GABRA3: variants seen among roughly 807,000 people sequenced by gnomAD.
The protein encoded by GABRA3 is gamma-aminobutyric acid type A receptor subunit alpha3.
In GABRA3, 10 loss-of-function variants were observed where a neutral mutation model predicts 30.1. The ratio of observed to expected loss-of-function variants is 0.33; its 90% CI spans 0.20 to 0.56. The LOEUF is 0.56. GABRA3 is among the 20% of genes least tolerant of loss of function. GABRA3 has a pLI of 0.89. For synonymous variants in GABRA3, 151 were observed against 146.8 expected (o/e 1.03, Z -0.21); for missense variants, 233 against 392.0 (o/e 0.59, Z 3.42).
chrX:152,202,464 A>G (rs958891518), intron 7 of GABRA3, among the ~76,000 whole-genome samples: 1 of 111,834 alleles, frequency 8.9e-6, no homozygotes, highest in Non-Finnish European at 1.9e-5. Context: ...GGTAACTACA[A>G]TTAACAGCCT....
chrX:152,284,894 C>T (rs1939265525), intron 3 of GABRA3, among the ~76,000 whole-genome samples, 159 bp from the exon 4 acceptor site: 1 of 111,779 alleles, frequency 8.9e-6, no homozygotes, highest in South Asian at 3.7e-4. Flanking sequence ...TCACAGGGAA[C>T]ATGCTAGGTA....
At chrX:152,436,373 G>C (rs1930776875) in intron 1 of GABRA3, among the ~76,000 whole-genome samples, 1 of 111,757 alleles carries the variant, frequency 8.9e-6, no homozygotes, top group Admixed American at 9.5e-5. Context: ...TGTTTGGGTA[G>C]CTGCCTGGCC....
chrX:152,257,138 C>G (rs1330696267), intron 4 of GABRA3, among the ~76,000 whole-genome samples: 1 of 111,843 alleles, frequency 8.9e-6, no homozygotes, highest in African/African-American at 3.3e-5. Context: ...AAGAAATGAG[C>G]TGGGTGATGT....
chrX:152,287,551 G>T (rs1939319570), intron 3 of GABRA3, among the ~76,000 whole-genome samples: 1 of 111,280 alleles, frequency 9.0e-6, no homozygotes, highest in African/African-American at 3.3e-5. Context: ...GGTATCCCGA[G>T]CCATGCAAAA....
At chrX:152,349,561 A>C (rs1269300085) in intron 2 of GABRA3, among the ~76,000 whole-genome samples, 1 of 109,315 alleles carries the variant, frequency 9.1e-6, no homozygotes, top group Non-Finnish European at 1.9e-5. Context: ...CAGGAAACCC[A>C]TCTCACGTGC....
chrX:152,216,689 T>G (rs889252824), intron 6 of GABRA3, among the ~76,000 whole-genome samples: 4 of 108,992 alleles, frequency 3.7e-5, no homozygotes, highest in African/African-American at 1.3e-4. Flanking sequence ...GGAGGGAGAT[T>G]GATTAATGGG....
intron 3 of GABRA3, among the ~76,000 whole-genome samples, chrX:152,314,577 G>T (rs1344547614): frequency 9.0e-6 from 1 of 111,465 alleles, no homozygotes; most frequent in African/African-American, 3.3e-5. Flanking sequence ...CATCCCAACT[G>T]GTTGTTTTTG....
intron 5 of GABRA3, among the ~76,000 whole-genome samples, chrX:152,255,529 T>C (rs764076685): frequency 4.2e-4 from 47 of 112,253 alleles, no homozygotes; most frequent in African/African-American, 1.5e-3. Context: ...TGCATGCATA[T>C]ACAAATCATG....
chrX:152,278,671 T>C (rs933913909), intron 4 of GABRA3, among the ~76,000 whole-genome samples: 2 of 111,697 alleles, frequency 1.8e-5, no homozygotes, highest in African/African-American at 6.5e-5. Context: ...TCTAGATCCC[T>C]GAGGAATTGC....
In GABRA3 at chrX:152,168,510, C is replaced by T. The variant is rs929637853; in HGVS notation, c.1197G>A (p.Val399=). The change falls in exon 10 of 10, where the codon GTG becomes GTA. Residue 399 remains valine, a synonymous_variant. Transcript: ENST00000370314. ...AKKTSTTFNI[V]GTTYPINLAK... ...CCAGGTTGATGGGATAGGTGGTCCC[C>T]ACGATGTTGAAGGTAGTGCTGGTTT... 10 of 1,209,513 alleles carry T rather than the reference C, an allele frequency of 8.3e-6. No homozygotes were observed. The highest frequency in any genetic ancestry group is 8.9e-6 in the Non-Finnish European group (8 of 894,918).
At chrX:152,214,111 A>T (rs1269337469) in intron 6 of GABRA3, among the ~76,000 whole-genome samples, 2 of 110,801 alleles carry the variant, frequency 1.8e-5, no homozygotes, top group African/African-American at 3.3e-5. Context: ...AGTGTGTATT[A>T]TTCCACTCTC....
intron 1 of GABRA3, among the ~76,000 whole-genome samples, chrX:152,446,248 T>G: frequency 8.9e-6 from 1 of 112,033 alleles, no homozygotes; most frequent in Non-Finnish European, 1.9e-5. Context: ...ACACCTTTCT[T>G]TTTAAAGCGG....
intron 9 of GABRA3, among the ~76,000 whole-genome samples, chrX:152,178,932 T>C (rs937775253): frequency 4.5e-5 from 5 of 111,830 alleles, no homozygotes; most frequent in African/African-American, 1.6e-4. Flanking sequence ...TTACTACCAA[T>C]TGTCTTTTCA....
chrX:152,199,099 A>G (rs951211988), intron 7 of GABRA3, among the ~76,000 whole-genome samples: 2 of 111,522 alleles, frequency 1.8e-5, no homozygotes, highest in Non-Finnish European at 3.8e-5. Context: ...GCGGTGGCTC[A>G]AGCCTGCCTG....
Position 152,199,193 on chromosome X carries a change from C to T in GABRA3, c.779-1408G>A, listed in dbSNP as rs768692752. Among the ~76,000 whole-genome samples the T allele has an allele frequency of 1.7e-4, 18 of 108,806 alleles. No homozygotes were observed. In the East Asian group the frequency reaches 4.0e-3, roughly 24 times the overall value. The allele number at this position is 108,806 out of a possible 115,157, so 94.5% of individuals were successfully genotyped here. On this transcript the variant is annotated intron_variant, in intron 7 of 9. Transcript: ENST00000370314. Reference sequence around the variant, plus strand: ...CATCCTGGCTAACATGGTGAAACCCCATCTCTACTAAAAATACAAAATATT... The same window carrying T: ...CATCCTGGCTAACATGGTGAAACCCTATCTCTACTAAAAATACAAAATATT...
At chrX:152,185,092 T>A (rs1465708912) in intron 9 of GABRA3, among the ~76,000 whole-genome samples, 3 of 111,965 alleles carry the variant, frequency 2.7e-5, no homozygotes, top group Non-Finnish European at 5.6e-5. Context: ...AGGTTTAATA[T>A]GTCTCCCTAA....
intron 3 of GABRA3, among the ~76,000 whole-genome samples, chrX:152,291,164 A>G (rs1426670756): frequency 2.7e-5 from 3 of 111,678 alleles, no homozygotes; most frequent in Non-Finnish European, 5.6e-5. Context: ...ATGTTCTTCC[A>G]TTTGTTTGTG....
At chrX:152,292,278 T>G (rs1939434580) in intron 3 of GABRA3, among the ~76,000 whole-genome samples, 1 of 112,152 alleles carries the variant, frequency 8.9e-6, no homozygotes, top group South Asian at 3.7e-4. Context: ...TATTCATTTC[T>G]TTTAGATTTT....
intron 6 of GABRA3, among the ~76,000 whole-genome samples, chrX:152,212,396 T>C (rs776625338): frequency 6.1e-4 from 61 of 99,474 alleles, no homozygotes; most frequent in African/African-American, 2.3e-3. Context: ...TTTTATTATA[T>C]AGTCCCCAGA....
Sources: gnomAD v4.1 joint callset for allele counts (sites outside exome capture counted in the v4.1 genomes callset) on GRCh38, gnomAD v4.1.1 for gene constraint, MANE v1.5 for transcripts, NCBI Gene and HGNC (gene_info 2026-07-23, HGNC 2026-07-21) for gene names.